DCC: variants seen among roughly 807,000 people sequenced by gnomAD.
The protein encoded by DCC is DCC netrin 1 receptor.
A neutral mutation model predicts 172.5 loss-of-function variants in DCC; 58 were observed. The ratio of observed to expected loss-of-function variants is 0.34; its 90% CI spans 0.27 to 0.42. The LOEUF (loss-of-function observed/expected upper bound fraction) is 0.42. Among genes scored for constraint, DCC ranks in the 10% least tolerant of loss-of-function variants. The pLI is 1.00. For missense variants in DCC, 1,740 were observed against 1,791.0 expected (o/e 0.97, Z 0.51); for synonymous variants, 709 against 644.5 (o/e 1.10, Z -1.52).
intron 15 of DCC, among the ~76,000 whole-genome samples, chr18:53,364,383 C>T (rs2144939863): frequency 6.6e-6 from 1 of 151,812 alleles, no homozygotes; most frequent in South Asian, 2.1e-4. Flanking sequence ...GGAAACATAG[C>T]TGCAAAGTCA....
At chr18:53,353,485 G>C (rs150677105) in intron 15 of DCC, among the ~76,000 whole-genome samples, 12 of 152,042 alleles carry the variant, frequency 7.9e-5, no homozygotes, top group Non-Finnish European at 1.0e-4. Context: ...CAATTTTGGT[G>C]CTCTTCAGTC....
intron 25 of DCC, 89 bp downstream of exon 25, chr18:53,468,099 T>C (rs1269556709): frequency 3.9e-6 from 3 of 776,882 alleles, no homozygotes; most frequent in Non-Finnish European, 6.9e-6. Context: ...AAAGTAATTA[T>C]AATTTTCCCT....
At chr18:53,468,564 G>T (rs2045655906) in intron 25 of DCC, among the ~76,000 whole-genome samples, 2 of 151,790 alleles carry the variant, frequency 1.3e-5, no homozygotes, top group Admixed American at 1.3e-4. Context: ...TCTATTATTA[G>T]TAGAGACAGG....
chr18:53,237,195 T>C (rs559930547), intron 12 of DCC: 1 of 154,154 alleles, frequency 6.5e-6, no homozygotes, highest in Non-Finnish European at 1.5e-5. Context: ...AGAATCTAGC[T>C]CATTAGATTG....
intron 5 of DCC, among the ~76,000 whole-genome samples, chr18:53,008,036 T>C (rs1394715506): frequency 6.6e-5 from 10 of 152,152 alleles, no homozygotes; most frequent in Admixed American, 6.6e-4. Context: ...TATTCCAAGA[T>C]TGAAACTATG....
intron 12 of DCC, among the ~76,000 whole-genome samples, chr18:53,217,323 A>G (rs2055869820): frequency 1.5e-5 from 1 of 67,200 alleles, no homozygotes; most frequent in Non-Finnish European, 4.6e-5. Flanking sequence ...ACACACACAC[A>G]CACACACACA....
Position 52,946,634 on chromosome 18 carries a change from A to C in DCC, c.985+21264A>C, listed in dbSNP as rs572951056. On this transcript the variant is annotated intron_variant, in intron 5 of 28. Coordinates refer to ENST00000442544, the MANE Select transcript of DCC (RefSeq NM_005215.4). ...CATTTTCTTTCCATGGTGATAGCAGAAATTCAAGGGAGAAAGCTCCACAAT... is the reference window on the plus strand; with the variant it reads ...CATTTTCTTTCCATGGTGATAGCAGCAATTCAAGGGAGAAAGCTCCACAAT... 5.9e-5 allele frequency among the ~76,000 whole-genome samples: 9 copies of C among 152,300 alleles called. No individual in the cohort carries two copies. In the South Asian group the frequency reaches 1.9e-3, roughly 32 times the overall value.
intron 12 of DCC, among the ~76,000 whole-genome samples, chr18:53,290,939 C>T (rs1358029905): frequency 2.6e-5 from 4 of 152,082 alleles, no homozygotes; most frequent in African/African-American, 9.7e-5. Flanking sequence ...GAGGCTGAGG[C>T]TAGCGGATCA....
chr18:52,977,569 G>A (rs939973399), intron 5 of DCC, among the ~76,000 whole-genome samples: 7 of 152,158 alleles, frequency 4.6e-5, no homozygotes, highest in African/African-American at 1.7e-4. Context: ...GTATCCTAGG[G>A]GCTATTAGTG....
At chr18:52,520,421 C>T (rs1308096282) in intron 1 of DCC, among the ~76,000 whole-genome samples, 1 of 152,188 alleles carries the variant, frequency 6.6e-6, no homozygotes, top group African/African-American at 2.4e-5. Flanking sequence ...AGAGGCTTCT[C>T]AGGTAATACA....
chr18:52,656,389 A>T (rs1245777402), intron 1 of DCC, among the ~76,000 whole-genome samples: 1 of 152,128 alleles, frequency 6.6e-6, no homozygotes, highest in Non-Finnish European at 1.5e-5. Flanking sequence ...CTCACCAGAC[A>T]TTCAATCCGC....
intron 2 of DCC, among the ~76,000 whole-genome samples, chr18:52,753,295 G>T (rs4574019): frequency 6.6e-6 from 1 of 152,176 alleles, no homozygotes; most frequent in African/African-American, 2.4e-5. Context: ...TGTTTATTCT[G>T]TCATGGATTT....
intron 1 of DCC, among the ~76,000 whole-genome samples, chr18:52,633,917 C>G (rs1425268177): frequency 6.6e-6 from 1 of 152,222 alleles, no homozygotes; most frequent in Non-Finnish European, 1.5e-5. Context: ...CCCTGATTCT[C>G]AGGAGGAATT....
chr18:52,369,584 G>A (rs1010325854), intron 1 of DCC, among the ~76,000 whole-genome samples: 1 of 151,896 alleles, frequency 6.6e-6, no homozygotes, highest in Non-Finnish European at 1.5e-5. Flanking sequence ...CATCACAGGG[G>A]CTTGGCCTTG....
At chr18:52,541,421 C>T (rs759993987) in intron 1 of DCC, among the ~76,000 whole-genome samples, 8 of 152,084 alleles carry the variant, frequency 5.3e-5, no homozygotes, top group Non-Finnish European at 1.0e-4. Context: ...AAATTTTTAA[C>T]CTCTGTTTTC....
chr18:53,322,200 G>T, intron 14 of DCC, 43 bp downstream of exon 14: 1 of 1,039,214 alleles, frequency 9.6e-7, no homozygotes, highest in Non-Finnish European at 1.5e-6. Flanking sequence ...TTATCTTCTT[G>T]TTATCTCAGC....
At chr18:52,997,400 C>T (rs961063479) in intron 5 of DCC, among the ~76,000 whole-genome samples, 5 of 151,998 alleles carry the variant, frequency 3.3e-5, no homozygotes, top group African/African-American at 9.7e-5. Context: ...TTTCAAAGAT[C>T]GTAGAAGGCT....
intron 1 of DCC, among the ~76,000 whole-genome samples, chr18:52,383,124 T>C (rs140755447): frequency 7.2e-5 from 11 of 152,194 alleles, no homozygotes; most frequent in African/African-American, 2.6e-4. Flanking sequence ...ACCTGATACA[T>C]CCCTTAAGAC....
chr18:52,788,267 T>C (rs566935784), intron 2 of DCC, among the ~76,000 whole-genome samples: 1 of 152,326 alleles, frequency 6.6e-6, no homozygotes, highest in South Asian at 2.1e-4. Context: ...TAAAACTGTT[T>C]AGTGATTTCA....
Sources: gnomAD v4.1 joint callset for allele counts (sites outside exome capture counted in the v4.1 genomes callset) on GRCh38, gnomAD v4.1.1 for gene constraint, MANE v1.5 for transcripts, NCBI Gene and HGNC (gene_info 2026-07-23, HGNC 2026-07-21) for gene names.